Variants in MICU3 observed in about 807,000 individuals in gnomAD.
The protein encoded by MICU3 is mitochondrial calcium uptake 3.
MICU3 carries 62 observed loss-of-function variants against 66.5 expected under a neutral mutation model. That is an observed-to-expected ratio of 0.93 (90% CI 0.76 to 1.15). MICU3 has a LOEUF of 1.15. MICU3 is among the 50% of genes most tolerant of loss of function. MICU3 has a pLI of 0.00. For synonymous variants in MICU3, 308 were observed against 240.7 expected (o/e 1.28, Z -2.59); for missense variants, 779 against 664.4 (o/e 1.17, Z -1.90).
At chr8:17,107,281 A>G (rs974992944) in intron 11 of MICU3, among the ~76,000 whole-genome samples, 2 of 152,152 alleles carry the variant, frequency 1.3e-5, no homozygotes, top group African/African-American at 2.4e-5. Flanking sequence ...GTGAAGAGGT[A>G]ACTTCTGGGG....
chr8:17,032,672 A>G (rs1812293001), intron 1 of MICU3, among the ~76,000 whole-genome samples: 2 of 152,198 alleles, frequency 1.3e-5, no homozygotes, highest in African/African-American at 4.8e-5. Flanking sequence ...TTTTTCCCAG[A>G]ATATCGAAGA....
At chr8:17,071,249 GGTT>G (rs1819542903) in intron 3 of MICU3, among the ~76,000 whole-genome samples, 1 of 152,004 alleles carries the variant, frequency 6.6e-6, no homozygotes, top group African/African-American at 2.4e-5. Flanking sequence ...AGATTGAGTG[GGTT>G]TAACACCAGA....
intron 4 of MICU3, among the ~76,000 whole-genome samples, chr8:17,078,328 C>A (rs1227055661): frequency 1.3e-5 from 2 of 151,980 alleles, no homozygotes; most frequent in Non-Finnish European, 2.9e-5. Flanking sequence ...CTAATTTGGA[C>A]ATGTTTCCTT....
rs1197983382 is a variant in MICU3, at chr8:17,121,913, A to G, written c.*1626A>G. 1 of 151,790 alleles carries G rather than the reference A, an allele frequency of 6.6e-6. No individual in the cohort carries two copies. The highest frequency in any genetic ancestry group is 2.1e-4 in the South Asian group (1 of 4,832). 9.4% of individuals were successfully genotyped at this position (151,790 alleles called of 1,614,324 possible). ...AAATGCCTACCCACTCATATAACATACCTCAGGTCTATTTTACCTTACACT... is the reference window on the plus strand; with the variant it reads ...AAATGCCTACCCACTCATATAACATGCCTCAGGTCTATTTTACCTTACACT... On this transcript the variant is annotated 3_prime_UTR_variant, in exon 15 of 15. Transcript: ENST00000318063.
downstream of MICU3, among the ~76,000 whole-genome samples, chr8:17,125,561 A>G (rs1803384227): frequency 6.6e-6 from 1 of 152,118 alleles, no homozygotes; most frequent in Non-Finnish European, 1.5e-5. Flanking sequence ...CATACGAGGA[A>G]TCTTGACTAT....
chr8:17,078,196 T>A (rs901322412), intron 4 of MICU3, among the ~76,000 whole-genome samples: 5 of 152,012 alleles, frequency 3.3e-5, no homozygotes, highest in African/African-American at 1.2e-4. Context: ...AAAGAAAACA[T>A]TTCACAAAAA....
At chr8:17,052,458 T>C (rs1417745612) in intron 1 of MICU3, among the ~76,000 whole-genome samples, 4 of 152,226 alleles carry the variant, frequency 2.6e-5, no homozygotes, top group Non-Finnish European at 4.4e-5. Context: ...TAATTTCTTC[T>C]ATCTTACTGT....
At chr8:17,066,517 C>CTATATATATATATA (rs71212675) in intron 2 of MICU3, among the ~76,000 whole-genome samples, 20 of 105,034 alleles carry the variant, frequency 1.9e-4, no homozygotes, top group African/African-American at 7.7e-4. Context: ...TGTTAATAAT[C>CTATATATATATATA]TATATATATA....
intron 8 of MICU3, among the ~76,000 whole-genome samples, chr8:17,091,931 G>T (rs924362421): frequency 5.9e-5 from 9 of 152,072 alleles, no homozygotes; most frequent in African/African-American, 2.2e-4. Flanking sequence ...CAGCTGGAGT[G>T]TAGTGGCATG....
chr8:17,123,422 A>C (rs1313294070), downstream of MICU3, among the ~76,000 whole-genome samples: 1 of 152,244 alleles, frequency 6.6e-6, no homozygotes, highest in Middle Eastern at 3.4e-3. Flanking sequence ...GAGGGATCTG[A>C]ATGAGGATAG....
downstream of MICU3, among the ~76,000 whole-genome samples, chr8:17,126,711 C>T (rs1214110998): frequency 6.6e-6 from 1 of 152,094 alleles, no homozygotes; most frequent in Non-Finnish European, 1.5e-5. Context: ...TGAATTTATT[C>T]ACCAAATCTA....
At chr8:17,115,706 C>A (rs989188026) in intron 12 of MICU3, among the ~76,000 whole-genome samples, 2 of 152,128 alleles carry the variant, frequency 1.3e-5, no homozygotes, top group African/African-American at 4.8e-5. Context: ...ATTAACTTTT[C>A]TATGACACAT....
Position 17,056,764 on chromosome 8 carries a change from TAG to T in MICU3, c.382-7315_382-7314del, listed in dbSNP as rs1817004180. Among the ~76,000 whole-genome samples, 3 of 152,090 alleles carry T rather than the reference TAG, an allele frequency of 2.0e-5. No individual in the cohort carries two copies. The South Asian group carries it at 6.2e-4, about 32-fold the overall frequency. On this transcript the variant is annotated intron_variant, in intron 1 of 14. Transcript: ENST00000318063. ...GTGGAGCAGTCAGTAGCTTATACAG[TAG>T]AGAGGGTGTGGCAGCAGAAGTTTTC... is the stretch of plus-strand genomic sequence containing the variant.
the MICU3 span, chr8:17,131,189 C>T: frequency 6.6e-6 from 1 of 152,102 alleles, no homozygotes; most frequent in Non-Finnish European, 1.5e-5. Context: ...ATAATTTTAA[C>T]AAATAAAAGA....
At chr8:17,107,549 T>C (rs1801843354) in intron 11 of MICU3, among the ~76,000 whole-genome samples, 2 of 152,106 alleles carry the variant, frequency 1.3e-5, no homozygotes, top group African/African-American at 2.4e-5. Context: ...GAAGCCACTA[T>C]AGTATTTAAA....
chr8:17,060,217 C>T (rs1179513891), intron 1 of MICU3, among the ~76,000 whole-genome samples: 1 of 152,102 alleles, frequency 6.6e-6, no homozygotes, highest in Non-Finnish European at 1.5e-5. Context: ...TCCAGATGAG[C>T]TGAGTTCTCC....
chr8:17,104,407 C>G lies in MICU3; in HGVS notation c.1001C>G (p.Thr334Arg). 1.4e-6 allele frequency: 2 copies of G among 1,414,808 alleles called. No homozygotes were observed. Among genetic ancestry groups the G allele is most frequent in the South Asian group, 1.9e-5 (1 of 52,722 alleles). The allele number at this position is 1,414,808 out of a possible 1,614,324, so 87.6% of individuals were successfully genotyped here. The change falls in exon 10 of 15, where the codon ACA becomes AGA. Residue 334 changes from threonine to arginine, a missense_variant. Thr to Arg is a moderately conservative substitution (Grantham distance 71). Transcript: ENST00000318063. Reference sequence around the variant, plus strand: ...TTTTTTAAGCGTGCTGATGACATCACAAGTTTAGTAACAGATACTACACTT... The same window carrying G: ...TTTTTTAAGCGTGCTGATGACATCAGAAGTTTAGTAACAGATACTACACTT... Reference protein sequence around the residue: ...SDLAERADDITSLVTDTTLLV... With the variant: ...SDLAERADDIRSLVTDTTLLV...
the MICU3 span, chr8:17,132,053 C>T: frequency 2.0e-5 from 3 of 152,302 alleles, no homozygotes; most frequent in Admixed American, 1.3e-4. Context: ...ATGCAACAAT[C>T]ATTGCATACA....
chr8:17,114,214 C>T lies in MICU3; in HGVS notation c.1366+13C>T. On this transcript the variant is annotated intron_variant, in intron 12 of 14. Coordinates refer to ENST00000318063, the MANE Select transcript of MICU3 (RefSeq NM_181723.3). ...TCTATAGGGCAAGGTAAGTAATCAT[C>T]TACAAAAATTAAAAGCAAGAAGTAA... 2 of 1,512,186 alleles carry T rather than the reference C, an allele frequency of 1.3e-6. No individual in the cohort carries two copies. Among genetic ancestry groups the T allele is most frequent in the Non-Finnish European group, 1.8e-6 (2 of 1,100,076 alleles). 93.7% of individuals were successfully genotyped at this position (1,512,186 alleles called of 1,614,324 possible). A position where few individuals can be genotyped will look rare whatever the true frequency, so the allele number is the denominator to read the frequency against.
Sources: gnomAD v4.1 joint callset for allele counts (sites outside exome capture counted in the v4.1 genomes callset) on GRCh38, gnomAD v4.1.1 for gene constraint, MANE v1.5 for transcripts, NCBI Gene and HGNC (gene_info 2026-07-23, HGNC 2026-07-21) for gene names.